Variants in CDC42SE2 observed in about 807,000 individuals in gnomAD.
The protein encoded by CDC42SE2 is CDC42 small effector 2, also known as CDC42 small effector protein 2.
A neutral mutation model predicts 11.5 loss-of-function variants in CDC42SE2; 3 were observed. The ratio of observed to expected loss-of-function variants is 0.26; its 90% CI spans 0.12 to 0.67. The LOEUF (loss-of-function observed/expected upper bound fraction) is 0.67, where lower values mean the gene tolerates loss of function less well. Ranked by LOEUF, CDC42SE2 falls within the 30% of genes least tolerant of loss-of-function variation. CDC42SE2 has a pLI of 0.80. For missense variants in CDC42SE2, 82 were observed against 106.8 expected (o/e 0.77, Z 1.02); for synonymous variants, 33 against 34.8 (o/e 0.95, Z 0.18).
At chr5:131,390,875 A>G (rs1429473338) in intron 4 of CDC42SE2, 118 bp from the exon 5 acceptor site, 3 of 559,922 alleles carry the variant, frequency 5.4e-6, no homozygotes, top group African/African-American at 2.0e-5. Context: ...TTTTGTCTAT[A>G]AAAGTACCCT....
chr5:131,237,395 T>C, the CDC42SE2 span, among the ~76,000 whole-genome samples: 1 of 152,212 alleles, frequency 6.6e-6, no homozygotes, highest in Non-Finnish European at 1.5e-5. Flanking sequence ...TTGCTACTGA[T>C]GTATCTGTTT....
chr5:131,391,172 T>C lies in CDC42SE2; in HGVS notation c.*81T>C, dbSNP rs1750640687. 1.7e-5 allele frequency: 9 copies of C among 542,950 alleles called. No homozygotes were observed. The East Asian group carries it at 3.8e-4, about 23-fold the overall frequency. The allele number at this position is 542,950 out of a possible 1,614,324, so 33.6% of individuals were successfully genotyped here. On this transcript the variant is annotated 3_prime_UTR_variant, in exon 5 of 5. Coordinates refer to ENST00000505065, the MANE Select transcript of CDC42SE2 (RefSeq NM_001375635.1). ...ACATGGCCAGGCCAATAATAGTAAATATATGTATATATATATAATTTTTTA... is the reference window on the plus strand; with the variant it reads ...ACATGGCCAGGCCAATAATAGTAAACATATGTATATATATATAATTTTTTA...
chr5:131,212,113 G>GT, the CDC42SE2 span, among the ~76,000 whole-genome samples: 19 of 151,324 alleles, frequency 1.3e-4, no homozygotes, highest in African/African-American at 4.6e-4. Flanking sequence ...CTGTTTTTTT[G>GT]TTTTTTTGTT....
intron 2 of CDC42SE2, among the ~76,000 whole-genome samples, chr5:131,348,558 C>CG (rs1758914974): frequency 6.6e-6 from 1 of 152,096 alleles, no homozygotes; most frequent in Non-Finnish European, 1.5e-5. Context: ...TGAAAATGGC[C>CG]GTACTGCCCA....
chr5:131,230,265 GTCCTGTACTTGTCTTC>G, the CDC42SE2 span, among the ~76,000 whole-genome samples: 1 of 152,066 alleles, frequency 6.6e-6, no homozygotes, highest in Non-Finnish European at 1.5e-5. Flanking sequence ...AGGCATCTTT[GTCCTGTACTTGTCTTC>G]AAAGGAAATT....
At chr5:131,357,528 G>A (rs945859515) in intron 2 of CDC42SE2, among the ~76,000 whole-genome samples, 1 of 152,172 alleles carries the variant, frequency 6.6e-6, no homozygotes, top group Non-Finnish European at 1.5e-5. Context: ...AGGACTCTGT[G>A]ATCCTGTAAT....
At chr5:131,362,814 T>A (rs1376396483) in intron 3 of CDC42SE2, among the ~76,000 whole-genome samples, 1 of 152,196 alleles carries the variant, frequency 6.6e-6, no homozygotes, top group Admixed American at 6.5e-5. Context: ...TGTAGATTTT[T>A]AACTGGATGG....
At chr5:131,371,536 CT>C (rs1750012505) in intron 3 of CDC42SE2, among the ~76,000 whole-genome samples, 1 of 152,010 alleles carries the variant, frequency 6.6e-6, no homozygotes, top group Non-Finnish European at 1.5e-5. Context: ...ATTTTGTTTT[CT>C]TTTGTGAAAT....
At chr5:131,343,964 C>G (rs1315902049) in intron 2 of CDC42SE2, among the ~76,000 whole-genome samples, 1 of 152,144 alleles carries the variant, frequency 6.6e-6, no homozygotes, top group Non-Finnish European at 1.5e-5. Context: ...TGTCCCCTAC[C>G]ATAATAATGG....
upstream of CDC42SE2, among the ~76,000 whole-genome samples, chr5:131,262,598 T>C (rs937773751): frequency 2.6e-4 from 40 of 152,104 alleles, no homozygotes; most frequent in African/African-American, 9.4e-4. Context: ...CATACCTCAG[T>C]ATCCGAGGGG....
chr5:131,310,487 A>G (rs1258856491), intron 1 of CDC42SE2, among the ~76,000 whole-genome samples: 2 of 151,962 alleles, frequency 1.3e-5, no homozygotes, highest in Admixed American at 6.6e-5. Context: ...GCTGAGTTCA[A>G]TTCCTGGATA....
At chr5:131,356,827 G>A (rs1749562713) in intron 2 of CDC42SE2, among the ~76,000 whole-genome samples, 1 of 152,056 alleles carries the variant, frequency 6.6e-6, no homozygotes, top group African/African-American at 2.4e-5. Flanking sequence ...AGGATCACCT[G>A]AGCTCAGAAA....
chr5:131,323,952 G>A (rs1423811946), intron 2 of CDC42SE2, among the ~76,000 whole-genome samples: 2 of 152,156 alleles, frequency 1.3e-5, no homozygotes, highest in Non-Finnish European at 2.9e-5. Flanking sequence ...GGAAAGGAAT[G>A]TAAATTGTCT....
chr5:131,257,405 A>T (rs1756686862), intron 2 of CDC42SE2, among the ~76,000 whole-genome samples: 1 of 151,724 alleles, frequency 6.6e-6, no homozygotes, highest in South Asian at 2.1e-4. Context: ...CCTCATGATG[A>T]ACTTTCTTTA....
intron 3 of CDC42SE2, among the ~76,000 whole-genome samples, chr5:131,373,371 A>T (rs1469464574): frequency 2.0e-5 from 3 of 152,156 alleles, no homozygotes; most frequent in Admixed American, 1.3e-4. Flanking sequence ...ACAGAGGGGG[A>T]TACTGATAAG....
At chr5:131,357,501 A>G (rs1749585125) in intron 2 of CDC42SE2, among the ~76,000 whole-genome samples, 2 of 152,214 alleles carry the variant, frequency 1.3e-5, no homozygotes, top group Admixed American at 1.3e-4. Flanking sequence ...GGAGGAATTT[A>G]ATTTCACTTA....
intron 1 of CDC42SE2, among the ~76,000 whole-genome samples, chr5:131,303,240 T>A (rs137982238): frequency 1.8e-4 from 28 of 152,364 alleles, no homozygotes; most frequent in African/African-American, 6.5e-4. Flanking sequence ...TGAACTAGAT[T>A]TCTTACAGGT....
At chr5:131,294,242 CTG>C (rs887806730) in intron 1 of CDC42SE2, among the ~76,000 whole-genome samples, 4 of 152,092 alleles carry the variant, frequency 2.6e-5, no homozygotes, top group Admixed American at 2.6e-4. Context: ...CTGATATACT[CTG>C]TGATCCAAAT....
chr5:131,370,163 ATAG>A (rs1297055257), intron 3 of CDC42SE2, among the ~76,000 whole-genome samples: 1 of 152,236 alleles, frequency 6.6e-6, no homozygotes, highest in Non-Finnish European at 1.5e-5. Flanking sequence ...ACCATTGATC[ATAG>A]TAGTCAGAGC....
Sources: allele counts gnomAD v4.1 joint callset (sites outside exome capture counted in the v4.1 genomes callset), GRCh38; gene constraint gnomAD v4.1.1; transcripts MANE v1.5; gene names NCBI Gene and HGNC (gene_info 2026-07-23, HGNC 2026-07-21).